Variants in TXLNB observed in about 807,000 individuals in gnomAD.
TXLNB encodes the protein beta-taxilin.
TXLNB carries 37 observed loss-of-function variants against 57.4 expected under a neutral mutation model. The ratio of observed to expected loss-of-function variants is 0.64; its 90% CI spans 0.50 to 0.85. The LOEUF (loss-of-function observed/expected upper bound fraction) is 0.85. TXLNB is among the 40% of genes least tolerant of loss of function. The pLI is 0.00. For missense variants in TXLNB, 848 were observed against 825.6 expected, an observed-to-expected ratio of 1.03 and a Z score of -0.33; for synonymous variants, 302 against 309.6, an observed-to-expected ratio of 0.98 and a Z score of 0.26.
the TXLNB span, among the ~76,000 whole-genome samples, chr6:139,173,201 G>T: frequency 1.3e-5 from 2 of 152,286 alleles, no homozygotes; most frequent in Middle Eastern, 3.4e-3. Context: ...AGAAGTTCTT[G>T]TCATCCTTCC....
chr6:139,321,966 ATT>A, the TXLNB span, among the ~76,000 whole-genome samples: 1 of 139,830 alleles, frequency 7.2e-6, no homozygotes, highest in African/African-American at 2.6e-5. Context: ...AGATTCATTA[ATT>A]TTTTTTTTTT....
the TXLNB span, among the ~76,000 whole-genome samples, chr6:139,172,892 T>G: frequency 1.3e-5 from 2 of 152,240 alleles, no homozygotes; most frequent in Non-Finnish European, 2.9e-5. Context: ...GGTAGCATAG[T>G]GCCATACCCT....
chr6:139,280,298 A>C (rs1162756760), intron 2 of TXLNB, among the ~76,000 whole-genome samples: 2 of 151,370 alleles, frequency 1.3e-5, no homozygotes, highest in East Asian at 3.9e-4. Flanking sequence ...GAAACAAAAA[A>C]CCTGAAATTA....
chr6:139,212,092 G>A, the TXLNB span, among the ~76,000 whole-genome samples: 1 of 152,068 alleles, frequency 6.6e-6, no homozygotes, highest in Non-Finnish European at 1.5e-5. Context: ...AATCTAGCAA[G>A]GCAGGCCAAC....
chr6:139,193,840 A>ATTTTTT, the TXLNB span, among the ~76,000 whole-genome samples: 13 of 85,230 alleles, frequency 1.5e-4, no homozygotes, highest in East Asian at 7.5e-4. Context: ...ATATATATAT[A>ATTTTTT]TTTTTTTTTT....
chr6:139,277,701 C>G (rs1776935932), intron 2 of TXLNB, among the ~76,000 whole-genome samples: 3 of 151,730 alleles, frequency 2.0e-5, no homozygotes. Flanking sequence ...CATTTTGTTT[C>G]CAGTTGGAGT....
chr6:139,175,845 C>T, the TXLNB span, among the ~76,000 whole-genome samples: 5 of 152,178 alleles, frequency 3.3e-5, no homozygotes, highest in Non-Finnish European at 7.3e-5. Context: ...TGGTATTCAC[C>T]ATGCACTGTA....
the TXLNB span, among the ~76,000 whole-genome samples, chr6:139,170,817 G>A: frequency 3.3e-5 from 5 of 152,258 alleles, no homozygotes; most frequent in African/African-American, 1.2e-4. Context: ...GGAAAGGTGC[G>A]GGAAAGGGGT....
chr6:139,276,724 C>T, intron 3 of TXLNB, 106 bp downstream of exon 3: 1 of 805,248 alleles, frequency 1.2e-6, no homozygotes, highest in Non-Finnish European at 2.0e-6. Flanking sequence ...TCAGATGTTG[C>T]TGTTTACAAT....
chr6:139,193,035 G>A, the TXLNB span, among the ~76,000 whole-genome samples: 1 of 151,232 alleles, frequency 6.6e-6, no homozygotes, highest in South Asian at 2.1e-4. Context: ...ACCTCCATGT[G>A]TTAAAACCTG....
chr6:139,288,635 G>T lies in TXLNB; in HGVS notation c.265C>A (p.Pro89Thr). 6.2e-7 allele frequency: 1 copy of T among 1,614,120 alleles called. No homozygotes were observed. The highest frequency in any genetic ancestry group is 1.1e-5 in the South Asian group (1 of 91,082). The change falls in exon 2 of 10, where the codon CCT becomes ACT. Residue 89 changes from proline to threonine, a missense_variant. By Grantham distance (38) the Pro-to-Thr change is conservative. Transcript: ENST00000358430. ...KEGSARASEQ[P>T]ENAESPDNED... The stretch of plus-strand genomic sequence containing the variant: ...TTGTCAGGTGATTCTGCATTCTCAG[G>T]CTGCTCACTGGCCCTGGCAGAGCCC...
At chr6:139,221,992 G>C in the TXLNB span, among the ~76,000 whole-genome samples, 153 of 152,000 alleles carry the variant, frequency 1.0e-3, no homozygotes, top group Middle Eastern at 3.4e-3. Flanking sequence ...AGCTAACAGA[G>C]AGGGGAATAT....
chr6:139,260,207 G>A lies in TXLNB; in HGVS notation c.1002+111C>T, dbSNP rs965426247. On this transcript the variant is annotated intron_variant, in intron 6 of 9. Transcript: ENST00000358430. Reference sequence around the variant, plus strand: ...TGCATTTCAGCCTGAATGACAGAACGAGACTCTGTCTCAAATAAATAAATA... The same window carrying A: ...TGCATTTCAGCCTGAATGACAGAACAAGACTCTGTCTCAAATAAATAAATA... 23 of 1,284,978 alleles carry A rather than the reference G, an allele frequency of 1.8e-5. No individual in the cohort carries two copies. In the African/African-American group the frequency reaches 1.8e-4, roughly 10 times the overall value. The allele number at this position is 1,284,978 out of a possible 1,614,324, so 79.6% of individuals were successfully genotyped here.
chr6:139,309,867 A>G, the TXLNB span, among the ~76,000 whole-genome samples: 10 of 152,224 alleles, frequency 6.6e-5, no homozygotes, highest in African/African-American at 1.9e-4. Context: ...CATCAAGAAG[A>G]CACAATGGGG....
intron 3 of TXLNB, among the ~76,000 whole-genome samples, chr6:139,274,389 G>A (rs148738062): frequency 1.3e-5 from 2 of 152,096 alleles, no homozygotes; most frequent in Non-Finnish European, 2.9e-5. Flanking sequence ...TAGTCTCCAC[G>A]TAAAAAATTG....
intron 5 of TXLNB, among the ~76,000 whole-genome samples, chr6:139,261,548 T>C (rs1344664395): frequency 6.6e-6 from 1 of 152,076 alleles, no homozygotes; most frequent in East Asian, 1.9e-4. Context: ...CCTGAGAGGG[T>C]ATCTGGAATC....
rs191856866 is a variant in TXLNB, at chr6:139,280,278, A to G, written c.425-3357T>C. Among the ~76,000 whole-genome samples, 372 of 151,536 alleles carry G rather than the reference A, an allele frequency of 2.5e-3. 4 individuals carry two copies. Among genetic ancestry groups the G allele is most frequent in the African/African-American group, 8.2e-3 (339 of 41,366 alleles). ...AAAAAAAAAAAAAAAAAAAAAAAGA[A>G]AGAAAGAAAGAAACAAAAAACCTGA... is the stretch of plus-strand genomic sequence containing the variant. On this transcript the variant is annotated intron_variant, in intron 2 of 9. Coordinates refer to ENST00000358430, the MANE Select transcript of TXLNB (RefSeq NM_153235.4).
chr6:139,280,340 C>T (rs1419203530), intron 2 of TXLNB, among the ~76,000 whole-genome samples: 2 of 151,550 alleles, frequency 1.3e-5, no homozygotes, highest in Non-Finnish European at 2.9e-5. Context: ...GAAATGTGGA[C>T]CAGGATTTTT....
intron 2 of TXLNB, among the ~76,000 whole-genome samples, chr6:139,285,287 C>G (rs1777145676): frequency 7.0e-6 from 1 of 142,640 alleles, no homozygotes; most frequent in African/African-American, 2.6e-5. Flanking sequence ...CACACACACA[C>G]ACACACACAC....
Sources: allele counts gnomAD v4.1 joint callset (sites outside exome capture counted in the v4.1 genomes callset), GRCh38; gene constraint gnomAD v4.1.1; transcripts MANE v1.5; gene names NCBI Gene and HGNC (gene_info 2026-07-23, HGNC 2026-07-21).